The following FRMD4B variants were observed in gnomAD, a reference collection of about 807,000 sequenced individuals.
FRMD4B encodes FERM domain containing 4B.
FRMD4B carries 74 observed loss-of-function variants against 141.5 expected under a neutral mutation model. The observed-to-expected ratio is 0.52, with a 90% CI of 0.43 to 0.63. The LOEUF is 0.63. Ranked by LOEUF, FRMD4B falls within the 30% of genes least tolerant of loss-of-function variation. The pLI, the probability that FRMD4B is intolerant of heterozygous loss-of-function variation, is 0.00. For synonymous variants in FRMD4B, 506 were observed against 467.9 expected, an observed-to-expected ratio of 1.08 and a Z score of -1.05; for missense variants, 1,366 against 1,253.4, an observed-to-expected ratio of 1.09 and a Z score of -1.36.
chr3:69,448,473 A>G (rs143514664), intron 1 of FRMD4B, among the ~76,000 whole-genome samples: 151 of 152,342 alleles, frequency 9.9e-4, no homozygotes, highest in African/African-American at 3.2e-3. Flanking sequence ...ACCATTTTAT[A>G]TTTACACCAG....
Position 69,249,243 on chromosome 3 carries a change from G to T in FRMD4B, c.564C>A (p.Ala188=). The T allele has an allele frequency of 6.3e-7, 1 of 1,575,824 alleles. No individual in the cohort carries two copies. The highest frequency in any genetic ancestry group is 8.7e-7 in the Non-Finnish European group (1 of 1,150,104). ...FKLAAFILQE[A]KGDYTSDENA... ...AGCATTACCTGGTATAATCTCCCTTGGCTTCCTAAAAACAACAAACAAAAA... is the reference window on the plus strand; with the variant it reads ...AGCATTACCTGGTATAATCTCCCTTTGCTTCCTAAAAACAACAAACAAAAA... The change falls in exon 7 of 23, where the codon GCC becomes GCA. Residue 188 remains alanine, a synonymous_variant. Transcript: ENST00000398540.
At chr3:69,184,907 C>T (rs1049126251) in intron 19 of FRMD4B, among the ~76,000 whole-genome samples, 3 of 152,184 alleles carry the variant, frequency 2.0e-5, no homozygotes, top group African/African-American at 7.2e-5. Context: ...ATGGCTGTAG[C>T]TCCTTGGATC....
At chr3:69,252,707 T>G (rs1017155702) in intron 5 of FRMD4B, among the ~76,000 whole-genome samples, 6 of 152,208 alleles carry the variant, frequency 3.9e-5, no homozygotes, top group African/African-American at 1.4e-4. Context: ...AAGCCTGAAG[T>G]GTAAAAGCTG....
intron 5 of FRMD4B, among the ~76,000 whole-genome samples, chr3:69,285,491 A>T (rs1047909507): frequency 3.9e-5 from 6 of 152,010 alleles, no homozygotes; most frequent in Non-Finnish European, 8.8e-5. Flanking sequence ...AATGCCAATG[A>T]CACACACACA....
chr3:69,284,148 C>T lies in FRMD4B; in HGVS notation c.501+3604G>A, dbSNP rs541404959. Among the ~76,000 whole-genome samples, 215 of 152,188 alleles carry T rather than the reference C, an allele frequency of 1.4e-3. 1 individual carries two copies. Among genetic ancestry groups the T allele is most frequent in the African/African-American group, 5.0e-3 (209 of 41,526 alleles). On this transcript the variant is annotated intron_variant, in intron 5 of 22. Transcript: ENST00000398540. Reference sequence around the variant, plus strand: ...AAACACAGCAGAACACAGTGAACTCCCTGAGCTAAGGAGATGCAGCAACTC... The same window carrying T: ...AAACACAGCAGAACACAGTGAACTCTCTGAGCTAAGGAGATGCAGCAACTC...
chr3:69,348,226 A>G (rs1703014819), intron 1 of FRMD4B, among the ~76,000 whole-genome samples: 1 of 152,242 alleles, frequency 6.6e-6, no homozygotes, highest in South Asian at 2.1e-4. Flanking sequence ...TAAACTAGAA[A>G]ATCTAGAAGA....
intron 1 of FRMD4B, among the ~76,000 whole-genome samples, chr3:69,374,297 T>C (rs772557916): frequency 1.3e-5 from 2 of 152,188 alleles, no homozygotes; most frequent in Non-Finnish European, 2.9e-5. Flanking sequence ...GTATAGCCGA[T>C]AAGTGATGGA....
At chr3:69,464,316 C>G (rs934635828) in intron 1 of FRMD4B, among the ~76,000 whole-genome samples, 5 of 152,044 alleles carry the variant, frequency 3.3e-5, no homozygotes, top group South Asian at 2.1e-4. Flanking sequence ...ATTTTTTGAC[C>G]ATTTAGAGTG....
chr3:69,258,034 G>T (rs929636567), intron 5 of FRMD4B, among the ~76,000 whole-genome samples: 2 of 152,020 alleles, frequency 1.3e-5, no homozygotes, highest in Non-Finnish European at 1.5e-5. Flanking sequence ...TTTGCCATGT[G>T]GCCAGGCTGG....
At chr3:69,398,014 CTT>C (rs1704500424) in intron 2 of FRMD4B, among the ~76,000 whole-genome samples, 1 of 151,964 alleles carries the variant, frequency 6.6e-6, no homozygotes, top group East Asian at 1.9e-4. Flanking sequence ...TCAAATTTCT[CTT>C]GATTTGGAAA....
At chr3:69,185,940 G>A (rs1259312726) in intron 19 of FRMD4B, among the ~76,000 whole-genome samples, 1 of 151,874 alleles carries the variant, frequency 6.6e-6, no homozygotes, top group Non-Finnish European at 1.5e-5. Flanking sequence ...TACTTGGAAG[G>A]CTGAGGGGGG....
At chr3:69,357,592 A>C (rs1559827521) in intron 1 of FRMD4B, among the ~76,000 whole-genome samples, 1 of 152,218 alleles carries the variant, frequency 6.6e-6, no homozygotes, top group Non-Finnish European at 1.5e-5. Flanking sequence ...CAATTTAAGG[A>C]AAAATTTGTG....
At chr3:69,175,762 TTCTTC>T (rs2092637429) in intron 22 of FRMD4B, among the ~76,000 whole-genome samples, 1 of 138,070 alleles carries the variant, frequency 7.2e-6, no homozygotes, top group African/African-American at 2.6e-5. Context: ...ACTTTTTCTT[TTCTTC>T]TCTTTTTTTT....
In FRMD4B at chr3:69,474,034, G is replaced by A. The variant is rs141532415; in HGVS notation, c.-128-41273C>T. Among the ~76,000 whole-genome samples the A allele has an allele frequency of 1.5e-3, 232 of 152,166 alleles. 1 individual carries two copies. The highest frequency in any genetic ancestry group is 2.9e-3 in the Non-Finnish European group (197 of 67,998). Reference sequence around the variant, plus strand: ...ATACAAAAATTAGAGATGCCCTACCGTCATCCAAGTTCTCTTCTAAACTGC... The same window carrying A: ...ATACAAAAATTAGAGATGCCCTACCATCATCCAAGTTCTCTTCTAAACTGC... On this transcript the variant is annotated intron_variant, in intron 1 of 5. Transcript: ENST00000459638.
intron 5 of FRMD4B, among the ~76,000 whole-genome samples, chr3:69,281,330 C>A (rs975254065): frequency 1.3e-5 from 2 of 152,030 alleles, no homozygotes; most frequent in African/African-American, 2.4e-5. Context: ...TTCAGTAATA[C>A]CTGGAAAATG....
chr3:69,197,177 C>A, intron 12 of FRMD4B, 139 bp from the exon 13 acceptor site: 1 of 566,932 alleles, frequency 1.8e-6, no homozygotes, highest in Non-Finnish European at 3.0e-6. Context: ...AAATGGGGAC[C>A]AAGTTTCTGA....
In FRMD4B at chr3:69,232,914, G is replaced by GT. The variant is rs58551547; in HGVS notation, c.582-8225dup. ...GTTGCAAATTTCACTTTTGTTGTTT[G>GT]TTTTTTTTTTTTTTTTTGGTAGGGA... On this transcript the variant is annotated intron_variant, in intron 7 of 22. Coordinates refer to ENST00000398540, the MANE Select transcript of FRMD4B (RefSeq NM_015123.3). Among the ~76,000 whole-genome samples the GT allele has an allele frequency of 3.0e-3, 382 of 128,796 alleles. 3 individuals carry two copies. The highest frequency in any genetic ancestry group is 4.8e-3 in the Non-Finnish European group (295 of 61,832). 84.5% of individuals were successfully genotyped at this position (128,796 alleles called of 152,430 possible).
Position 69,438,021 on chromosome 3 carries a change from C to T in FRMD4B, c.-128-5260G>A, listed in dbSNP as rs913710256. ...ATATATAATACTGTTATATATACTA[C>T]TATATTATATGTAACTATATATACT... On this transcript the variant is annotated intron_variant, in intron 1 of 5. Coordinates refer to the FRMD4B transcript ENST00000459638. Among the ~76,000 whole-genome samples the T allele has an allele frequency of 3.3e-3, 431 of 132,218 alleles. 1 individual carries two copies. The highest frequency in any genetic ancestry group is 5.3e-3 in the Non-Finnish European group (338 of 64,142). The allele number at this position is 132,218 out of a possible 152,430, so 86.7% of individuals were successfully genotyped here.
intron 4 of FRMD4B, 97 bp downstream of exon 4, chr3:69,302,246 A>C (rs189300711): frequency 1.4e-6 from 1 of 701,884 alleles, no homozygotes; most frequent in East Asian, 2.7e-5. Flanking sequence ...TGCTATCTCT[A>C]ATCACCAGAA....
Sources: gnomAD v4.1 joint callset for allele counts (sites outside exome capture counted in the v4.1 genomes callset) on GRCh38, gnomAD v4.1.1 for gene constraint, MANE v1.5 for transcripts, NCBI Gene and HGNC (gene_info 2026-07-23, HGNC 2026-07-21) for gene names.